Variants in SLCO4A1 observed in about 807,000 individuals in gnomAD.
The protein encoded by SLCO4A1 is colon organic anion transporter.
Under a neutral mutation model 64.6 loss-of-function variants are expected in SLCO4A1, and 51 were observed. The ratio of observed to expected loss-of-function variants is 0.79; its 90% CI spans 0.63 to 1.00. SLCO4A1 has a LOEUF of 1.00. Ranked by LOEUF, SLCO4A1 falls within the 50% of genes least tolerant of loss-of-function variation. The pLI is 0.00. For synonymous variants in SLCO4A1, 471 were observed against 444.9 expected, an observed-to-expected ratio of 1.06 and a Z score of -0.74; for missense variants, 919 against 980.5, an observed-to-expected ratio of 0.94 and a Z score of 0.84.
intron 3 of SLCO4A1, 77 bp downstream of exon 3, chr20:62,658,844 C>A: frequency 7.8e-7 from 1 of 1,283,646 alleles, no homozygotes; most frequent in Non-Finnish European, 1.1e-6. Context: ...GTCAGCAGGG[C>A]CCACTCTGAG....
intron 7 of SLCO4A1, 158 bp downstream of exon 7, chr20:62,666,733 G>T: frequency 3.0e-6 from 2 of 659,244 alleles, no homozygotes; most frequent in Non-Finnish European, 5.2e-6. Context: ...CAGGGCACCC[G>T]GCAGCATCCA....
chr20:62,661,633 G>A lies in SLCO4A1; in HGVS notation c.1121+458G>A, dbSNP rs755205702. Among the ~76,000 whole-genome samples, 15 of 147,852 alleles carry A rather than the reference G, an allele frequency of 1.0e-4. No individual in the cohort carries two copies. The highest frequency in any genetic ancestry group is 1.9e-4 in the Non-Finnish European group (13 of 67,108). On this transcript the variant is annotated intron_variant, in intron 5 of 11. Coordinates refer to ENST00000217159, the MANE Select transcript of SLCO4A1 (RefSeq NM_016354.4). This position sits in a 1 kb window ranked among gnomAD's most constrained non-coding sequence, Gnocchi z 5.2. ...CCTTTCATCAGGTGTCACCTGTGCCGTACCCCCCGGGCCCTGGGATGCTGC... is the reference window on the plus strand; with the variant it reads ...CCTTTCATCAGGTGTCACCTGTGCCATACCCCCCGGGCCCTGGGATGCTGC...
chr20:62,647,729 G>C (rs1023232919), intron 1 of SLCO4A1, among the ~76,000 whole-genome samples: 1 of 152,264 alleles, frequency 6.6e-6, no homozygotes, highest in African/African-American at 2.4e-5. Flanking sequence ...TCTAGAAGTG[G>C]CACAGGCCGG....
downstream of SLCO4A1, among the ~76,000 whole-genome samples, chr20:62,687,440 C>CCAGGG (rs929423092): frequency 6.6e-6 from 1 of 152,268 alleles, no homozygotes; most frequent in Non-Finnish European, 1.5e-5. Context: ...GCAGTGGCGT[C>CCAGGG]CAGGGCAGGG....
rs3187081 is a variant in SLCO4A1 at position 62,656,375 on chromosome 20, G to C, written c.-80G>C. On this transcript the variant is annotated 5_prime_UTR_variant, in exon 2 of 12. Coordinates refer to ENST00000217159, the MANE Select transcript of SLCO4A1 (RefSeq NM_016354.4). ...TTCTCACAGGACACACCAGCCCCTC[G>C]GATACCACTTGGCCACTCCCGCTGA... 8.0e-7 allele frequency: 1 copy of C among 1,244,756 alleles called. No homozygotes were observed. Among genetic ancestry groups the C allele is most frequent in the Non-Finnish European group, 1.1e-6 (1 of 923,824 alleles). 77.1% of individuals were successfully genotyped at this position (1,244,756 alleles called of 1,614,324 possible).
chr20:62,651,392 T>C (rs1801800849), intron 1 of SLCO4A1: 2 of 152,230 alleles, frequency 1.3e-5, no homozygotes, highest in African/African-American at 4.8e-5. Flanking sequence ...GCCAGGTCGC[T>C]GCTGGATCTC....
chr20:62,661,021 G>GAGCCCCCAGCCCC lies in SLCO4A1; in HGVS notation c.1010-42_1010-30dup. The GAGCCCCCAGCCCC allele has an allele frequency of 1.8e-6, 1 of 546,178 alleles. No individual in the cohort carries two copies. The highest frequency in any genetic ancestry group is 1.7e-5 in the South Asian group (1 of 60,156). The allele number at this position is 546,178 out of a possible 1,614,324, so 33.8% of individuals were successfully genotyped here. A position where few individuals can be genotyped will look rare whatever the true frequency, so the allele number is the denominator to read the frequency against. ...CTCTCTCGGAGAAGTCCACCTCCGG[G>GAGCCCCCAGCCCC]AGCCCCCAGCCCCCAGCCCCAGCTC... On this transcript the variant is annotated intron_variant, in intron 4 of 11. Transcript: ENST00000217159. This position sits in a 1 kb window ranked among gnomAD's most constrained non-coding sequence, Gnocchi z 5.2.
In SLCO4A1 at chr20:62,685,541, C is replaced by A; in HGVS notation, n.312C>A. On this transcript the variant is annotated non_coding_transcript_exon_variant, in exon 3 of 3. Coordinates refer to the SLCO4A1 transcript ENST00000466818. The surrounding 1 kb of genome is among the most constrained non-coding windows in gnomAD (Gnocchi z 4.6). ...ACCAAGGCCGTGATGGATGTGGAGT[C>A]TCGGCTTTCTGACAACGTCTTCCAG... is the stretch of plus-strand genomic sequence containing the variant. The A allele has an allele frequency of 1.4e-6, 1 of 728,796 alleles. No homozygotes were observed. Among genetic ancestry groups the A allele is most frequent in the Non-Finnish European group, 1.7e-6 (1 of 595,590 alleles). The allele number at this position is 728,796 out of a possible 1,614,324, so 45.1% of individuals were successfully genotyped here. A position where few individuals can be genotyped will look rare whatever the true frequency, so the allele number is the denominator to read the frequency against.
chr20:62,680,943 C>G (rs1987796627), intron 2 of SLCO4A1, among the ~76,000 whole-genome samples: 1 of 152,190 alleles, frequency 6.6e-6, no homozygotes, highest in Non-Finnish European at 1.5e-5. Context: ...CTCACTCTGT[C>G]ACCTGGGCTG....
chr20:62,663,550 G>A (rs1165735591), intron 5 of SLCO4A1: 1 of 152,250 alleles, frequency 6.6e-6, no homozygotes, highest in East Asian at 1.9e-4. Context: ...ATTACTGTGG[G>A]CTGATGTGAG....
rs965957186 is a variant in SLCO4A1 at position 62,670,595 on chromosome 20, G to A, written c.2026-1155G>A. Reference sequence around the variant, plus strand: ...CGTCCACAGGGGTCTCAGTGTCTGCGGATGAGGGGGCTGCTGTACTTTCCC... The same window carrying A: ...CGTCCACAGGGGTCTCAGTGTCTGCAGATGAGGGGGCTGCTGTACTTTCCC... On this transcript the variant is annotated intron_variant, in intron 11 of 11. Transcript: ENST00000217159. Among the ~76,000 whole-genome samples the A allele has an allele frequency of 5.3e-5, 8 of 152,194 alleles. No individual in the cohort carries two copies. In the South Asian group the frequency reaches 8.3e-4, roughly 16 times the overall value.
chr20:62,661,040 C>CCCCCCCCCCCCCCCCCCACA lies in SLCO4A1; in HGVS notation c.1010-23_1010-22insCCCCCCCCCCCCCCCCACAC. On this transcript the variant is annotated intron_variant, in intron 4 of 11. Transcript: ENST00000217159. This position sits in a 1 kb window ranked among gnomAD's most constrained non-coding sequence, Gnocchi z 5.2. Reference sequence around the variant, plus strand: ...CTCCGGGAGCCCCCAGCCCCCAGCCCCAGCTCACTCTGTGCCCTTCCAGGC... The same window carrying CCCCCCCCCCCCCCCCCCACA: ...CTCCGGGAGCCCCCAGCCCCCAGCCCCCCCCCCCCCCCCCCCCACACAGCTCACTCTGTGCCCTTCCAGGC... The CCCCCCCCCCCCCCCCCCACA allele has an allele frequency of 5.0e-6, 7 of 1,395,912 alleles. No homozygotes were observed. The highest frequency in any genetic ancestry group is 7.1e-6 in the Non-Finnish European group (7 of 984,516). The allele number at this position is 1,395,912 out of a possible 1,614,324, so 86.5% of individuals were successfully genotyped here. A position where few individuals can be genotyped will look rare whatever the true frequency, so the allele number is the denominator to read the frequency against.
intron 1 of SLCO4A1, 35 bp from the exon 2 acceptor site, chr20:62,656,324 G>T: frequency 2.7e-6 from 2 of 752,164 alleles, no homozygotes; most frequent in Non-Finnish European, 4.2e-6. Flanking sequence ...CCCGTGGAGA[G>T]ACGTGAGCTT....
At chr20:62,677,173 C>T (rs929404924), downstream of SLCO4A1, among the ~76,000 whole-genome samples, 3 of 152,088 alleles carry the variant, frequency 2.0e-5, no homozygotes, top group Admixed American at 1.3e-4. Flanking sequence ...GGGTGCAGGG[C>T]GTTTTGGTGC....
At chr20:62,672,963 C>T (rs2147109785), downstream of SLCO4A1, among the ~76,000 whole-genome samples, 1 of 103,684 alleles carries the variant, frequency 9.6e-6, no homozygotes, top group South Asian at 2.8e-4. Context: ...CCGGTGCTCA[C>T]AGTCTGCAGC....
intron 1 of SLCO4A1, among the ~76,000 whole-genome samples, chr20:62,652,419 G>T (rs3908923): frequency 1.3e-5 from 2 of 152,002 alleles, no homozygotes; most frequent in African/African-American, 4.8e-5. Context: ...TTCGGCGGCC[G>T]GCGGCCGGTG....
downstream of SLCO4A1, among the ~76,000 whole-genome samples, chr20:62,686,210 T>A (rs1008246164): frequency 2.0e-5 from 3 of 152,322 alleles, no homozygotes; most frequent in East Asian, 5.8e-4. Context: ...GCGGAGCTCC[T>A]GGTACAGGAT....
Position 62,661,294 on chromosome 20 carries a change from C to A in SLCO4A1, c.1121+119C>A. 1.4e-6 allele frequency: 1 copy of A among 717,956 alleles called. No homozygotes were observed. Among genetic ancestry groups the A allele is most frequent in the East Asian group, 2.7e-5 (1 of 37,542 alleles). 44.5% of individuals were successfully genotyped at this position (717,956 alleles called of 1,614,324 possible). A position where few individuals can be genotyped will look rare whatever the true frequency, so the allele number is the denominator to read the frequency against. Reference sequence around the variant, plus strand: ...TGGGGACGCAGCCCCTAACCTCTGTCGTGACCCTGGGCCAAGAGATTAAGG... The same window carrying A: ...TGGGGACGCAGCCCCTAACCTCTGTAGTGACCCTGGGCCAAGAGATTAAGG... On this transcript the variant is annotated intron_variant, in intron 5 of 11. Coordinates refer to ENST00000217159, the MANE Select transcript of SLCO4A1 (RefSeq NM_016354.4). The surrounding 1 kb of genome is among the most constrained non-coding windows in gnomAD (Gnocchi z 5.2).
chr20:62,666,757 C>G (rs1986421802), intron 7 of SLCO4A1, 182 bp downstream of exon 7: 2 of 616,080 alleles, frequency 3.2e-6, no homozygotes. Context: ...GAAAAGGCAC[C>G]ATGCCAGCCC....
Sources: gnomAD v4.1 joint callset for allele counts (sites outside exome capture counted in the v4.1 genomes callset) on GRCh38, gnomAD v4.1.1 for gene constraint, Gnocchi (gnomAD v3.1) non-coding constraint, MANE v1.5 for transcripts, NCBI Gene and HGNC (gene_info 2026-07-23, HGNC 2026-07-21) for gene names.